The following PTPN21 variants were observed in gnomAD, a reference collection of about 807,000 sequenced individuals.
The protein encoded by PTPN21 is protein tyrosine phosphatase non-receptor type 21, also known as tyrosine-protein phosphatase non-receptor type 21.
In PTPN21, 77 loss-of-function variants were observed where a neutral mutation model predicts 131.8. The observed-to-expected ratio is 0.58, with a 90% CI of 0.49 to 0.71. The LOEUF (loss-of-function observed/expected upper bound fraction) is 0.71. PTPN21 is among the 30% of genes least tolerant of loss of function. PTPN21 has a pLI of 0.00. For missense variants in PTPN21, 1,552 were observed against 1,527.1 expected (o/e 1.02, Z -0.27); for synonymous variants, 715 against 621.3 (o/e 1.15, Z -2.24).
chr14:88,517,647 T>A (rs957042721), intron 2 of PTPN21, among the ~76,000 whole-genome samples: 1 of 146,620 alleles, frequency 6.8e-6, no homozygotes, highest in Admixed American at 6.9e-5. Flanking sequence ...ATTTATCATA[T>A]ATATGTATAT....
At chr14:88,497,079 T>C (rs2077929727) in intron 9 of PTPN21, 124 bp downstream of exon 9, 4 of 879,282 alleles carry the variant, frequency 4.5e-6, no homozygotes, top group Non-Finnish European at 7.1e-6. Context: ...CTGCATGTTT[T>C]ATACAATTAC....
chr14:88,530,402 CT>C (rs1366761987), intron 2 of PTPN21, among the ~76,000 whole-genome samples: 2 of 152,114 alleles, frequency 1.3e-5, no homozygotes, highest in Admixed American at 1.3e-4. Context: ...CAGGCAACAA[CT>C]AGCACGATGA....
At chr14:88,543,248 A>C in intron 2 of PTPN21, among the ~76,000 whole-genome samples, 1 of 152,190 alleles carries the variant, frequency 6.6e-6, no homozygotes, top group Admixed American at 6.5e-5. Flanking sequence ...AAATATCCCC[A>C]TCTGCCATAA....
Position 88,469,159 on chromosome 14 carries a change from T to TTAATCAGTGGAGA in PTPN21, c.3236-84_3236-83insTCTCCACTGATTA. 1 of 1,426,764 alleles carries TTAATCAGTGGAGA rather than the reference T, an allele frequency of 7.0e-7. No homozygotes were observed. The highest frequency in any genetic ancestry group is 9.5e-7 in the Non-Finnish European group (1 of 1,049,914). The allele number at this position is 1,426,764 out of a possible 1,614,324, so 88.4% of individuals were successfully genotyped here. ...GACTCAATCTTCATATTCTCTCCAC[T>TTAATCAGTGGAGA]GATTAAGAGGACTGCAGATAAAGAG... On this transcript the variant is annotated intron_variant, in intron 17 of 18. Transcript: ENST00000556564. This position sits in a 1 kb window ranked among gnomAD's most constrained non-coding sequence, Gnocchi z 4.3.
At chr14:88,534,362 A>ACAGTTTGAG (rs1304243834) in intron 2 of PTPN21, among the ~76,000 whole-genome samples, 2 of 152,026 alleles carry the variant, frequency 1.3e-5, no homozygotes, top group African/African-American at 4.8e-5. Flanking sequence ...CAGCCTGGGC[A>ACAGTTTGAG]ACAAAGTAAG....
chr14:88,493,997 T>A (rs930694854), intron 10 of PTPN21, among the ~76,000 whole-genome samples: 1 of 152,130 alleles, frequency 6.6e-6, no homozygotes, highest in Non-Finnish European at 1.5e-5. Flanking sequence ...AGCACTGCTC[T>A]AGAGCTAACC....
At chr14:88,545,214 T>C (rs2078759479) in intron 2 of PTPN21, among the ~76,000 whole-genome samples, 1 of 152,202 alleles carries the variant, frequency 6.6e-6, no homozygotes, top group Non-Finnish European at 1.5e-5. Context: ...TTTGTTCTGG[T>C]TCCCATGTGC....
intron 4 of PTPN21, among the ~76,000 whole-genome samples, chr14:88,507,656 T>A (rs914020922): frequency 2.6e-5 from 4 of 152,336 alleles, no homozygotes; most frequent in African/African-American, 9.6e-5. Context: ...TGTGTGTGTA[T>A]ACACACATAT....
intron 10 of PTPN21, among the ~76,000 whole-genome samples, chr14:88,489,655 A>G (rs960054220): frequency 6.6e-6 from 1 of 152,110 alleles, no homozygotes; most frequent in Non-Finnish European, 1.5e-5. Context: ...GTCTCTTTAA[A>G]AAAATAAATA....
chr14:88,521,663 G>A (rs942980465), intron 2 of PTPN21, among the ~76,000 whole-genome samples: 5 of 148,548 alleles, frequency 3.4e-5, no homozygotes, highest in Admixed American at 1.4e-4. Context: ...TGCCCGCCTC[G>A]GCCTCCCAAA....
chr14:88,506,887 C>A (rs562897882), intron 4 of PTPN21, among the ~76,000 whole-genome samples: 17 of 152,030 alleles, frequency 1.1e-4, no homozygotes, highest in African/African-American at 3.9e-4. Context: ...ACTAAAAATA[C>A]AAAAATTAGT....
At chr14:88,473,197 T>A (rs2077497860) in intron 14 of PTPN21, among the ~76,000 whole-genome samples, 1 of 152,176 alleles carries the variant, frequency 6.6e-6, no homozygotes, top group South Asian at 2.1e-4. Flanking sequence ...CAGGATCCCG[T>A]TGTAAAGCAA....
chr14:88,551,224 T>C (rs1332776143), intron 1 of PTPN21: 1 of 152,236 alleles, frequency 6.6e-6, no homozygotes, highest in Non-Finnish European at 1.5e-5. Context: ...CAAATGCTCG[T>C]TATCCATTTA....
chr14:88,525,444 C>G (rs951875928), intron 2 of PTPN21, among the ~76,000 whole-genome samples: 1 of 152,102 alleles, frequency 6.6e-6, no homozygotes, highest in Non-Finnish European at 1.5e-5. Context: ...GAATGGCTAA[C>G]AAGCACATGA....
chr14:88,491,682 G>T (rs999332679), intron 10 of PTPN21, among the ~76,000 whole-genome samples: 11 of 152,050 alleles, frequency 7.2e-5, no homozygotes, highest in African/African-American at 2.4e-4. Context: ...GGAAACAAAC[G>T]CTCACAATGA....
chr14:88,480,091 G>C lies in PTPN21; in HGVS notation c.1340C>G (p.Pro447Arg), dbSNP rs1419392384. ...HSAVIPPSYRPTPDYETVMKQ... is the reference protein window; with the variant it reads ...HSAVIPPSYRRTPDYETVMKQ... ...CATCACAGTCTCATAGTCTGGGGTG[G>C]GGCGGTAGGACGGGGGTATCACGGC... is the stretch of plus-strand genomic sequence containing the variant. Residue 447 changes from proline to arginine, a missense_variant, in exon 13 of 19, where the codon CCC (proline) becomes CGC (arginine). By Grantham distance (103) the Pro-to-Arg change is moderately radical. This residue lies in a region of PTPN21 where 1,016 missense variants were observed against 883.5 expected (regional missense o/e 1.15). Coordinates refer to ENST00000556564, the MANE Select transcript of PTPN21 (RefSeq NM_007039.4). 4.3e-6 allele frequency: 7 copies of C among 1,614,212 alleles called. No homozygotes were observed. The Admixed American group carries it at 1.2e-4, about 27-fold the overall frequency.
chr14:88,554,579 G>A (rs962299910), intron 1 of PTPN21, 72 bp downstream of exon 1: 2 of 150,592 alleles, frequency 1.3e-5, no homozygotes, highest in Non-Finnish European at 3.0e-5. Flanking sequence ...TCCGGGGTCC[G>A]GGCGAGTGGA....
At chr14:88,543,404 G>T (rs1302984519) in intron 2 of PTPN21, among the ~76,000 whole-genome samples, 2 of 152,142 alleles carry the variant, frequency 1.3e-5, no homozygotes, top group Non-Finnish European at 2.9e-5. Context: ...AGAGTCTAAA[G>T]AAAATGGTGC....
At chr14:88,552,741 T>A (rs1274911357) in intron 1 of PTPN21, among the ~76,000 whole-genome samples, 1 of 152,250 alleles carries the variant, frequency 6.6e-6, no homozygotes, top group East Asian at 1.9e-4. Flanking sequence ...CCACTTCCAG[T>A]AGTTTTCAAT....
Sources: allele counts gnomAD v4.1 joint callset (sites outside exome capture counted in the v4.1 genomes callset), GRCh38; gene constraint gnomAD v4.1.1; regional missense constraint gnomAD v4.1.1; non-coding constraint Gnocchi (gnomAD v3.1); transcripts MANE v1.5; gene names NCBI Gene and HGNC (gene_info 2026-07-23, HGNC 2026-07-21).